Variants in MLLT1 observed in about 807,000 individuals in gnomAD.
MLLT1 encodes the protein MLLT1 super elongation complex subunit.
MLLT1 carries 11 observed loss-of-function variants against 55.1 expected under a neutral mutation model. The ratio of observed to expected loss-of-function variants is 0.20; its 90% CI spans 0.13 to 0.33. MLLT1 has a LOEUF of 0.33. Among genes scored for constraint, MLLT1 ranks in the 10% least tolerant of loss-of-function variants. The pLI is 1.00. For synonymous variants in MLLT1, 323 were observed against 320.1 expected, an observed-to-expected ratio of 1.01 and a Z score of -0.10; for missense variants, 536 against 760.6, an observed-to-expected ratio of 0.70 and a Z score of 3.47.
chr19:6,270,950 G>A lies in MLLT1; in HGVS notation c.13-191C>T, dbSNP rs966898983. On this transcript the variant is annotated intron_variant, in intron 1 of 11. Transcript: ENST00000252674. The surrounding 1 kb of genome is among the most constrained non-coding windows in gnomAD (Gnocchi z 7.1). ...AGACGTCCCGTGCCTTCTCCCCTCC[G>A]TACTCCCACACAGACCCCGTGTCTC... Among the ~76,000 whole-genome samples the A allele has an allele frequency of 4.6e-5, 7 of 151,966 alleles. No individual in the cohort carries two copies. The highest frequency in any genetic ancestry group is 1.5e-4 in the African/African-American group (6 of 41,356).
chr19:6,222,434 G>A lies in MLLT1; in HGVS notation c.797C>T (p.Thr266Met), dbSNP rs368936060. ...MALKETKLES[T>M]SPKGGPPPPP... Reference sequence around the variant, plus strand: ...GGGTGGGGGCCCACCCTTGGGGGACGTGCTTTCCAGCTTGGTCTCTTTCAG... The same window carrying A: ...GGGTGGGGGCCCACCCTTGGGGGACATGCTTTCCAGCTTGGTCTCTTTCAG... Residue 266 changes from threonine to methionine, a missense_variant, in exon 6 of 12, where the codon ACG becomes ATG. By Grantham distance (81) the Thr-to-Met change is moderately conservative. Coordinates refer to ENST00000252674, the MANE Select transcript of MLLT1 (RefSeq NM_005934.4). The surrounding 1 kb of genome is among the most constrained non-coding windows in gnomAD (Gnocchi z 4.1). 7.1e-6 allele frequency: 11 copies of A among 1,545,494 alleles called. No individual in the cohort carries two copies. The highest frequency in any genetic ancestry group is 2.2e-4 in the Middle Eastern group (1 of 4,536).
At position 6,240,487 on chromosome 19, in the gene MLLT1, G is replaced by A. The variant is rs375941086; in HGVS notation, c.277-9774C>T. 7.2e-5 allele frequency among the ~76,000 whole-genome samples: 11 copies of A among 152,338 alleles called. No individual in the cohort carries two copies. The East Asian group carries it at 1.9e-3, about 27-fold the overall frequency. The stretch of plus-strand genomic sequence containing the variant: ...GTGACGTTGCCCATCTGTGCTCAGC[G>A]TCCTCACCTGTGAAGTGGGAAAGGC... On this transcript the variant is annotated intron_variant, in intron 3 of 11. Coordinates refer to ENST00000252674, the MANE Select transcript of MLLT1 (RefSeq NM_005934.4). The surrounding 1 kb of genome is among the most constrained non-coding windows in gnomAD (Gnocchi z 4.7).
intron 7 of MLLT1, among the ~76,000 whole-genome samples, 176 bp downstream of exon 7, chr19:6,217,778 G>A (rs1411849517): frequency 3.9e-5 from 6 of 152,250 alleles, no homozygotes; most frequent in African/African-American, 1.4e-4. Flanking sequence ...GAGGTCTGGT[G>A]ACTTGTTCCT....
At position 6,219,680 on chromosome 19, in the gene MLLT1, TGGA is replaced by T. The variant is rs1281928992; in HGVS notation, c.1111-1642_1111-1640del. ...GGCACCAACCTGGAGGGAGGTGGACTGGAGAAGTATCCAAGGTCCTGGCCCCAT... is the reference window on the plus strand; with the variant it reads ...GGCACCAACCTGGAGGGAGGTGGACTGAAGTATCCAAGGTCCTGGCCCCAT... On this transcript the variant is annotated intron_variant, in intron 6 of 11. Transcript: ENST00000252674. This position sits in a 1 kb window ranked among gnomAD's most constrained non-coding sequence, Gnocchi z 4.5. Among the ~76,000 whole-genome samples the T allele has an allele frequency of 2.0e-5, 3 of 152,178 alleles. No individual in the cohort carries two copies. The highest frequency in any genetic ancestry group is 2.9e-5 in the Non-Finnish European group (2 of 68,032).
Position 6,212,447 on chromosome 19 carries a change from C to T in MLLT1, c.*595G>A, listed in dbSNP as rs1015162376. ...CCCACGTGCACTGCTGCCACAGAAACGCACATGGACACTGCTCTTGACCAG... is the reference window on the plus strand; with the variant it reads ...CCCACGTGCACTGCTGCCACAGAAATGCACATGGACACTGCTCTTGACCAG... On this transcript the variant is annotated 3_prime_UTR_variant, in exon 12 of 12. Transcript: ENST00000252674. 9 of 1,066,160 alleles carry T rather than the reference C, an allele frequency of 8.4e-6. No individual in the cohort carries two copies. Among genetic ancestry groups the T allele is most frequent in the Admixed American group, 5.3e-5 (1 of 18,764 alleles). 66.0% of individuals were successfully genotyped at this position (1,066,160 alleles called of 1,614,324 possible). A position where few individuals can be genotyped will look rare whatever the true frequency, so the allele number is the denominator to read the frequency against.
Position 6,235,825 on chromosome 19 carries a change from G to A in MLLT1, c.277-5112C>T, listed in dbSNP as rs2091055679. ...TCCACATCCTCGGTGCAGCCAGAGG[G>A]ACATGCTGCCTTCTTCCACGCCTCC... On this transcript the variant is annotated intron_variant, in intron 3 of 11. Coordinates refer to ENST00000252674, the MANE Select transcript of MLLT1 (RefSeq NM_005934.4). The surrounding 1 kb of genome is among the most constrained non-coding windows in gnomAD (Gnocchi z 5.5). 6.6e-6 allele frequency among the ~76,000 whole-genome samples: 1 copy of A among 152,154 alleles called. No individual in the cohort carries two copies. The highest frequency in any genetic ancestry group is 2.4e-5 in the African/African-American group (1 of 41,436).
intron 3 of MLLT1, among the ~76,000 whole-genome samples, chr19:6,248,888 CT>C (rs1166608821): frequency 1.3e-5 from 2 of 152,148 alleles, no homozygotes; most frequent in Admixed American, 1.3e-4. Flanking sequence ...TCTGTACTAT[CT>C]TTGCAGCTCT....
At chr19:6,228,460 A>G (rs56090725) in intron 4 of MLLT1, among the ~76,000 whole-genome samples, 2,164 of 152,260 alleles carry the variant, frequency 0.014, 61 homozygotes, top group African/African-American at 0.047. Context: ...CAGGAGGACC[A>G]GGCTCCCCGG....
At position 6,212,410 on chromosome 19, in the gene MLLT1, C is replaced by A; in HGVS notation, c.*632G>T. The A allele has an allele frequency of 9.4e-7, 1 of 1,059,362 alleles. No individual in the cohort carries two copies. The highest frequency in any genetic ancestry group is 1.1e-6 in the Non-Finnish European group (1 of 873,826). 65.6% of individuals were successfully genotyped at this position (1,059,362 alleles called of 1,614,324 possible). On this transcript the variant is annotated 3_prime_UTR_variant, in exon 12 of 12. Coordinates refer to ENST00000252674, the MANE Select transcript of MLLT1 (RefSeq NM_005934.4). ...TAACCTACAAGCCCCACCGTACGCA[C>A]CCCCCACCCACCCCACGTGCACTGC...
At chr19:6,234,619 G>C (rs2091042736) in intron 3 of MLLT1, among the ~76,000 whole-genome samples, 1 of 152,094 alleles carries the variant, frequency 6.6e-6, no homozygotes, top group Non-Finnish European at 1.5e-5. Context: ...AGAGACGTGG[G>C]CAGCCACACA....
intron 8 of MLLT1, 45 bp downstream of exon 8, chr19:6,216,360 C>T: frequency 7.0e-7 from 1 of 1,431,840 alleles, no homozygotes; most frequent in Non-Finnish European, 9.6e-7. Flanking sequence ...GCCGGAGTCG[C>T]CCCGGGTGGC....
rs547270142 is a variant in MLLT1 at position 6,224,307 on chromosome 19, C to T, written c.547-1623G>A. Among the ~76,000 whole-genome samples the T allele has an allele frequency of 1.1e-3, 175 of 152,368 alleles. 1 individual carries two copies. The highest frequency in any genetic ancestry group is 4.0e-3 in the African/African-American group (166 of 41,594). ...AGCCTGGCTCTTCCACCTGGGACAGCGGGAGTGCCCCCAGAATCCCCCCAG... is the reference window on the plus strand; with the variant it reads ...AGCCTGGCTCTTCCACCTGGGACAGTGGGAGTGCCCCCAGAATCCCCCCAG... On this transcript the variant is annotated intron_variant, in intron 5 of 11. Coordinates refer to ENST00000252674, the MANE Select transcript of MLLT1 (RefSeq NM_005934.4).
At position 6,273,793 on chromosome 19, in the gene MLLT1, G is replaced by T. The variant is rs557756819; in HGVS notation, c.13-3034C>A. Among the ~76,000 whole-genome samples, 2 of 152,204 alleles carry T rather than the reference G, an allele frequency of 1.3e-5. No homozygotes were observed. The highest frequency in any genetic ancestry group is 1.9e-4 in the East Asian group (1 of 5,198). On this transcript the variant is annotated intron_variant, in intron 1 of 11. Transcript: ENST00000252674. This position sits in a 1 kb window ranked among gnomAD's most constrained non-coding sequence, Gnocchi z 4.3. The stretch of plus-strand genomic sequence containing the variant: ...TCCCACACAATGACAGTGTCTCCTC[G>T]GAATCGCTTATTCACTGACCCGGCC...
In MLLT1 at chr19:6,214,054, G is replaced by C. The variant is rs751293584; in HGVS notation, c.1308-16C>G. On this transcript the variant is annotated splice_polypyrimidine_tract_variant and intron_variant, in intron 8 of 11. Transcript: ENST00000252674. ...GAAGCTCAACCTGAACCGACACACG[G>C]GGGCGCATCAGGCCCCTGCCGCCAC... is the stretch of plus-strand genomic sequence containing the variant. 23 of 1,411,470 alleles carry C rather than the reference G, an allele frequency of 1.6e-5. 1 individual carries two copies. In the East Asian group the frequency reaches 3.9e-4, roughly 24 times the overall value. The allele number at this position is 1,411,470 out of a possible 1,614,324, so 87.4% of individuals were successfully genotyped here. A position where few individuals can be genotyped will look rare whatever the true frequency, so the allele number is the denominator to read the frequency against.
At chr19:6,218,767 G>A (rs964093502) in intron 6 of MLLT1, among the ~76,000 whole-genome samples, 1 of 152,248 alleles carries the variant, frequency 6.6e-6, no homozygotes, top group African/African-American at 2.4e-5. Flanking sequence ...GCTCCTGGGT[G>A]GACGGGAGGC....
intron 2 of MLLT1, among the ~76,000 whole-genome samples, chr19:6,268,097 C>G (rs1159949019): frequency 6.6e-6 from 1 of 152,106 alleles, no homozygotes; most frequent in Non-Finnish European, 1.5e-5. Flanking sequence ...AAGCAGAAAA[C>G]AAAAAGGCTA....
intron 3 of MLLT1, among the ~76,000 whole-genome samples, chr19:6,249,565 G>A (rs999508015): frequency 4.6e-5 from 7 of 152,146 alleles, no homozygotes; most frequent in South Asian, 4.2e-4. Context: ...CAGTTCAGCC[G>A]CAGCATGCAG....
Position 6,270,476 on chromosome 19 carries a change from G to T in MLLT1, c.193+103C>A. 1 of 1,258,290 alleles carries T rather than the reference G, an allele frequency of 7.9e-7. No homozygotes were observed. Among genetic ancestry groups the T allele is most frequent in the Non-Finnish European group, 1.1e-6 (1 of 918,776 alleles). 77.9% of individuals were successfully genotyped at this position (1,258,290 alleles called of 1,614,324 possible). On this transcript the variant is annotated intron_variant, in intron 2 of 11. Transcript: ENST00000252674. The surrounding 1 kb of genome is among the most constrained non-coding windows in gnomAD (Gnocchi z 7.1). Reference sequence around the variant, plus strand: ...GGACGCAAGCTGGAACCTCATGGTTGGAGGGGTCCTGCTGCTCCTGAGGGA... The same window carrying T: ...GGACGCAAGCTGGAACCTCATGGTTTGAGGGGTCCTGCTGCTCCTGAGGGA...
intron 1 of MLLT1, among the ~76,000 whole-genome samples, chr19:6,275,372 T>C (rs1239231513): frequency 6.6e-6 from 1 of 152,100 alleles, no homozygotes; most frequent in African/African-American, 2.4e-5. Flanking sequence ...CACGTGCACG[T>C]GTGTGAGCCA....
Sources: gnomAD v4.1 joint callset for allele counts (sites outside exome capture counted in the v4.1 genomes callset) on GRCh38, gnomAD v4.1.1 for gene constraint, Gnocchi (gnomAD v3.1) non-coding constraint, MANE v1.5 for transcripts, NCBI Gene and HGNC (gene_info 2026-07-23, HGNC 2026-07-21) for gene names.